The following PTPRT variants were observed in gnomAD, a reference collection of about 807,000 sequenced individuals.
PTPRT encodes the protein receptor-type tyrosine-protein phosphatase T.
PTPRT carries 56 observed loss-of-function variants against 176.8 expected under a neutral mutation model. The observed-to-expected ratio is 0.32, with a 90% confidence interval of 0.26 to 0.40. PTPRT has a LOEUF of 0.40. Ranked by LOEUF, PTPRT falls within the 10% of genes least tolerant of loss-of-function variation. PTPRT has a pLI of 1.00. For synonymous variants in PTPRT, 783 were observed against 739.0 expected (o/e 1.06, Z -0.96); for missense variants, 1,540 against 1,908.2 (o/e 0.81, Z 3.60).
chr20:42,272,036 CA>C (rs767378694), intron 13 of PTPRT, among the ~76,000 whole-genome samples: 18 of 152,162 alleles, frequency 1.2e-4, no homozygotes, highest in Non-Finnish European at 2.6e-4. Context: ...CAATCTAAGT[CA>C]GGGGTCAGCA....
At chr20:42,577,690 A>G (rs1343375587) in intron 7 of PTPRT, among the ~76,000 whole-genome samples, 1 of 152,226 alleles carries the variant, frequency 6.6e-6, no homozygotes, top group South Asian at 2.1e-4. Flanking sequence ...AGGGCTACCC[A>G]GACTACCGGC....
chr20:42,732,328 T>C (rs1383104067), intron 6 of PTPRT, among the ~76,000 whole-genome samples: 7 of 152,224 alleles, frequency 4.6e-5, no homozygotes. Context: ...TAGTATATGC[T>C]TGATCAGTTT....
intron 25 of PTPRT, 87 bp downstream of exon 25, chr20:42,104,482 T>G: frequency 7.1e-7 from 1 of 1,404,770 alleles, no homozygotes. Context: ...AATAAGTGTC[T>G]GTCATTTAAA....
chr20:42,772,606 G>A (rs910428766), intron 4 of PTPRT, among the ~76,000 whole-genome samples: 2 of 152,102 alleles, frequency 1.3e-5, no homozygotes, highest in African/African-American at 2.4e-5. Context: ...CTGATAAATT[G>A]TATCTAGAAG....
intron 7 of PTPRT, among the ~76,000 whole-genome samples, chr20:42,625,696 C>A (rs545535607): frequency 6.6e-6 from 1 of 152,062 alleles, no homozygotes; most frequent in South Asian, 2.1e-4. Context: ...TTAGAAACAA[C>A]AAGTGGTGAT....
chr20:42,985,249 C>A lies in PTPRT; in HGVS notation c.89-99317G>T, dbSNP rs574215675. On this transcript the variant is annotated intron_variant, in intron 1 of 30. Coordinates refer to ENST00000373187, the MANE Select transcript of PTPRT (RefSeq NM_007050.6). ...TGGTGGCTCACACCTGTAATCCCAG[C>A]GCTTTGGGAGGCCGAGGTGGGTGGA... 5.3e-5 allele frequency among the ~76,000 whole-genome samples: 8 copies of A among 152,210 alleles called. No individual in the cohort carries two copies. In the South Asian group the frequency reaches 1.7e-3, roughly 32 times the overall value.
intron 1 of PTPRT, among the ~76,000 whole-genome samples, chr20:42,951,943 C>T (rs1981277917): frequency 6.6e-6 from 1 of 152,072 alleles, no homozygotes; most frequent in Non-Finnish European, 1.5e-5. Flanking sequence ...TAGGGCCTGG[C>T]CAAGAAAATG....
chr20:42,575,306 G>A (rs945417658), intron 7 of PTPRT, among the ~76,000 whole-genome samples: 15 of 152,332 alleles, frequency 9.8e-5, no homozygotes, highest in South Asian at 8.3e-4. Flanking sequence ...CAGAGCTACA[G>A]CTGGACAGAG....
chr20:42,076,714 C>A lies in PTPRT; in HGVS notation c.*4165G>T. On this transcript the variant is annotated 3_prime_UTR_variant, in exon 31 of 31. Coordinates refer to ENST00000373187, the MANE Select transcript of PTPRT (RefSeq NM_007050.6). ...TCATAGCGGGGTGAACAGAACAGAA[C>A]AACATGAGGAACAGAGCACATTTTT... The A allele has an allele frequency of 5.0e-6, 1 of 200,656 alleles. No individual in the cohort carries two copies. Among genetic ancestry groups the A allele is most frequent in the East Asian group, 7.7e-5 (1 of 13,068 alleles). The allele number at this position is 200,656 out of a possible 1,614,324, so 12.4% of individuals were successfully genotyped here.
intron 1 of PTPRT, among the ~76,000 whole-genome samples, chr20:43,060,699 A>G (rs1252591361): frequency 6.6e-6 from 1 of 152,212 alleles, no homozygotes. Context: ...TTAGCACTAA[A>G]CAAGGACCTC....
At position 42,075,787 on chromosome 20, in the gene PTPRT, A is replaced by G; in HGVS notation, c.*5092T>C. 1 of 202,902 alleles carries G rather than the reference A, an allele frequency of 4.9e-6. No individual in the cohort carries two copies. Among genetic ancestry groups the G allele is most frequent in the East Asian group, 7.6e-5 (1 of 13,172 alleles). The allele number at this position is 202,902 out of a possible 1,614,324, so 12.6% of individuals were successfully genotyped here. ...CTGGTGAGGACTTACAGCAAGAGCT[A>G]GTGTGGCAATGGGGAGTGGAGGATG... On this transcript the variant is annotated 3_prime_UTR_variant, in exon 31 of 31. Transcript: ENST00000373187.
At chr20:42,191,741 A>G (rs900798543) in intron 16 of PTPRT, among the ~76,000 whole-genome samples, 4 of 152,196 alleles carry the variant, frequency 2.6e-5, no homozygotes, top group Non-Finnish European at 5.9e-5. Flanking sequence ...GTTGCTGACT[A>G]ATACATGGTT....
At chr20:42,883,849 C>CCCCACAT in intron 2 of PTPRT, among the ~76,000 whole-genome samples, 1 of 3,268 alleles carries the variant, frequency 3.1e-4, no homozygotes, top group Admixed American at 4.0e-3. Context: ...TACACATAGA[C>CCCCACAT]ACACACCCCC....
At chr20:42,428,339 T>C (rs11697439) in intron 9 of PTPRT, among the ~76,000 whole-genome samples, 14,135 of 152,312 alleles carry the variant, frequency 0.093, 671 homozygotes, top group Middle Eastern at 0.14. Flanking sequence ...CTTTTCATTT[T>C]TCTTTTTAAA....
At chr20:42,311,519 C>T (rs902575168) in intron 12 of PTPRT, among the ~76,000 whole-genome samples, 5 of 152,188 alleles carry the variant, frequency 3.3e-5, no homozygotes, top group African/African-American at 9.7e-5. Flanking sequence ...TGGCTCACAA[C>T]CATCCTGCAA....
intron 1 of PTPRT, among the ~76,000 whole-genome samples, chr20:43,163,956 G>C (rs1414981716): frequency 6.6e-6 from 1 of 152,298 alleles, no homozygotes; most frequent in South Asian, 2.1e-4. Flanking sequence ...TATAAGGGTA[G>C]AGCAGAAGAG....
chr20:42,315,618 G>C, intron 12 of PTPRT, 105 bp downstream of exon 12: 1 of 1,339,422 alleles, frequency 7.5e-7, no homozygotes, highest in Non-Finnish European at 1.0e-6. Flanking sequence ...TTTGCCCCAC[G>C]GGCCTTAGTT....
chr20:42,068,802 A>G (rs1415751137), downstream of PTPRT, among the ~76,000 whole-genome samples: 1 of 152,114 alleles, frequency 6.6e-6, no homozygotes, highest in African/African-American at 2.4e-5. Flanking sequence ...TTGACTACAT[A>G]TTTGTAGGGA....
chr20:42,282,461 G>A (rs1036052213), intron 13 of PTPRT, 28 bp downstream of exon 13: 2 of 1,602,638 alleles, frequency 1.2e-6, no homozygotes, highest in Non-Finnish European at 1.7e-6. Flanking sequence ...AAGAACAGGT[G>A]AAGACAGACA....
Sources: allele counts gnomAD v4.1 joint callset (sites outside exome capture counted in the v4.1 genomes callset), GRCh38; gene constraint gnomAD v4.1.1; transcripts MANE v1.5; gene names NCBI Gene and HGNC (gene_info 2026-07-23, HGNC 2026-07-21).